EPHA6: variants seen among roughly 807,000 people sequenced by gnomAD.
The protein encoded by EPHA6 is EPH receptor A6.
In EPHA6, 50 loss-of-function variants were observed where a neutral mutation model predicts 112.0. The ratio of observed to expected loss-of-function variants is 0.45; its 90% confidence interval spans 0.36 to 0.56. The LOEUF (loss-of-function observed/expected upper bound fraction) is 0.56. Among genes scored for constraint, EPHA6 ranks in the 20% least tolerant of loss-of-function variants. The pLI, the probability that EPHA6 is intolerant of heterozygous loss-of-function variation, is 0.00. For missense variants in EPHA6, 1,280 were observed against 1,417.4 expected (o/e 0.90, Z 1.56); for synonymous variants, 529 against 490.7 (o/e 1.08, Z -1.03).
chr3:97,605,572 G>A (rs1413934067), intron 12 of EPHA6, among the ~76,000 whole-genome samples: 1 of 151,082 alleles, frequency 6.6e-6, no homozygotes, highest in African/African-American at 2.4e-5. Flanking sequence ...GTGTGTGGCT[G>A]TTTCTGGATT....
chr3:97,075,769 A>G (rs1335301373), intron 3 of EPHA6, among the ~76,000 whole-genome samples: 1 of 151,710 alleles, frequency 6.6e-6, no homozygotes, highest in Non-Finnish European at 1.5e-5. Flanking sequence ...CGTTGGCTCA[A>G]TTTTTCAATA....
intron 4 of EPHA6, among the ~76,000 whole-genome samples, chr3:97,231,229 G>A (rs1379087158): frequency 1.3e-5 from 2 of 152,106 alleles, no homozygotes; most frequent in African/African-American, 4.8e-5. Flanking sequence ...GAAATATAGA[G>A]CTTTAGTCAA....
At chr3:97,527,417 AT>A (rs200369637) in intron 10 of EPHA6, among the ~76,000 whole-genome samples, 22 of 149,058 alleles carry the variant, frequency 1.5e-4, no homozygotes, top group African/African-American at 2.9e-4. Context: ...GTGCAGAATT[AT>A]TTTTTTTTTG....
At chr3:97,069,975 G>GT (rs1396261266) in intron 3 of EPHA6, among the ~76,000 whole-genome samples, 5 of 152,120 alleles carry the variant, frequency 3.3e-5, no homozygotes, top group Non-Finnish European at 7.4e-5. Flanking sequence ...CTTTCAAGCT[G>GT]TGTGGTCTTG....
intron 14 of EPHA6, among the ~76,000 whole-genome samples, chr3:97,654,208 C>A (rs1202781429): frequency 1.3e-5 from 2 of 151,872 alleles, no homozygotes; most frequent in East Asian, 1.9e-4. Flanking sequence ...TATGATTTCA[C>A]AATGTATATT....
intron 3 of EPHA6, among the ~76,000 whole-genome samples, chr3:97,148,152 T>A (rs929840549): frequency 6.6e-6 from 1 of 152,112 alleles, no homozygotes; most frequent in African/African-American, 2.4e-5. Flanking sequence ...ACACTTGTAA[T>A]GAAAGTGTAC....
intron 5 of EPHA6, among the ~76,000 whole-genome samples, chr3:97,360,367 T>C: frequency 6.6e-6 from 1 of 152,242 alleles, no homozygotes; most frequent in East Asian, 1.9e-4. Context: ...GACAGATTCC[T>C]GGTTCTTTCT....
rs2035716275 is a variant in EPHA6 at position 97,746,389 on chromosome 3, T to C, written c.3129-1034T>C. Reference sequence around the variant, plus strand: ...ACATTTATTACTATAAAAGCACTTTTACCACCAAGTATTTTTTAAAACATG... The same window carrying C: ...ACATTTATTACTATAAAAGCACTTTCACCACCAAGTATTTTTTAAAACATG... On this transcript the variant is annotated intron_variant, in intron 16 of 17. Coordinates refer to ENST00000389672, the MANE Select transcript of EPHA6 (RefSeq NM_001080448.3). 2.0e-5 allele frequency among the ~76,000 whole-genome samples: 3 copies of C among 151,822 alleles called. No individual in the cohort carries two copies. The South Asian group carries it at 6.2e-4, about 31-fold the overall frequency.
chr3:96,843,618 G>T (rs1452094248), intron 1 of EPHA6, among the ~76,000 whole-genome samples: 5 of 151,966 alleles, frequency 3.3e-5, no homozygotes, highest in Admixed American at 2.6e-4. Context: ...CCTAGCAAGA[G>T]AAATTTGGCT....
At chr3:97,541,154 A>T (rs1422748205) in intron 11 of EPHA6, among the ~76,000 whole-genome samples, 1 of 152,206 alleles carries the variant, frequency 6.6e-6, no homozygotes, top group East Asian at 1.9e-4. Flanking sequence ...TTAACAAATG[A>T]AAATCTGGTA....
intron 3 of EPHA6, among the ~76,000 whole-genome samples, chr3:97,085,640 A>T (rs1292604632): frequency 6.6e-6 from 1 of 152,034 alleles, no homozygotes. Flanking sequence ...TATCCAAAAG[A>T]ATTTACTACA....
chr3:97,692,650 C>T (rs1283733698), intron 14 of EPHA6, among the ~76,000 whole-genome samples: 1 of 152,152 alleles, frequency 6.6e-6, no homozygotes, highest in Non-Finnish European at 1.5e-5. Flanking sequence ...CTGTGTGACT[C>T]GTTTGCTTTT....
intron 2 of EPHA6, among the ~76,000 whole-genome samples, chr3:96,937,328 G>C (rs1187808613): frequency 8.5e-5 from 13 of 152,074 alleles, no homozygotes; most frequent in Non-Finnish European, 1.9e-4. Flanking sequence ...ATCTCATTGT[G>C]GTTTTGATTT....
intron 3 of EPHA6, among the ~76,000 whole-genome samples, chr3:97,107,929 G>C (rs1224952073): frequency 1.3e-5 from 2 of 152,064 alleles, no homozygotes; most frequent in African/African-American, 4.8e-5. Context: ...ATATAGCTTA[G>C]ATATTTTAAA....
At chr3:97,607,581 T>G (rs891683381) in intron 12 of EPHA6, among the ~76,000 whole-genome samples, 2 of 151,154 alleles carry the variant, frequency 1.3e-5, no homozygotes, top group African/African-American at 4.8e-5. Context: ...GAAATTCACC[T>G]TGTGTGACTT....
At chr3:97,331,011 G>A (rs989991278) in intron 5 of EPHA6, among the ~76,000 whole-genome samples, 13 of 152,086 alleles carry the variant, frequency 8.5e-5, no homozygotes, top group Admixed American at 2.6e-4. Context: ...GCACTCCTCA[G>A]CAAATGTAAG....
At chr3:97,477,478 A>C (rs1227925602) in intron 8 of EPHA6, among the ~76,000 whole-genome samples, 2 of 148,258 alleles carry the variant, frequency 1.3e-5, no homozygotes, top group Admixed American at 6.7e-5. Context: ...GAGGAAGGGA[A>C]GGAAGGGAGG....
intron 5 of EPHA6, among the ~76,000 whole-genome samples, chr3:97,376,092 G>T (rs927552205): frequency 6.6e-6 from 1 of 151,972 alleles, no homozygotes; most frequent in Non-Finnish European, 1.5e-5. Flanking sequence ...TGCAATCTAT[G>T]CATTTAACAA....
chr3:97,374,825 A>T (rs72926394), intron 5 of EPHA6, among the ~76,000 whole-genome samples: 3 of 152,128 alleles, frequency 2.0e-5, no homozygotes, highest in Non-Finnish European at 4.4e-5. Context: ...ACCAGATACC[A>T]CATTACTACT....
Sources: gnomAD v4.1 joint callset for allele counts (sites outside exome capture counted in the v4.1 genomes callset) on GRCh38, gnomAD v4.1.1 for gene constraint, MANE v1.5 for transcripts, NCBI Gene and HGNC (gene_info 2026-07-23, HGNC 2026-07-21) for gene names.